Variants in PGM3 observed in about 807,000 individuals in gnomAD.
PGM3 encodes the protein phosphoacetylglucosamine mutase.
In PGM3, 40 loss-of-function variants were observed where a neutral mutation model predicts 66.2. The ratio of observed to expected loss-of-function variants is 0.60; its 90% confidence interval spans 0.47 to 0.79. PGM3 has a LOEUF of 0.79. PGM3 is among the 30% of genes least tolerant of loss of function. The probability of loss-of-function intolerance (pLI) is 0.00; values close to 1 mark genes in which losing one functional copy is unlikely to be tolerated. For missense variants in PGM3, 537 were observed against 643.4 expected, an observed-to-expected ratio of 0.83 and a Z score of 1.79; for synonymous variants, 191 against 224.2, an observed-to-expected ratio of 0.85 and a Z score of 1.32.
Position 83,166,818 on chromosome 6 carries a change from A to G in PGM3, c.*2416T>C, listed in dbSNP as rs998408838. 1.4e-5 allele frequency: 14 copies of G among 1,015,430 alleles called. No individual in the cohort carries two copies. Among genetic ancestry groups the G allele is most frequent in the African/African-American group, 5.1e-5 (3 of 58,470 alleles). 62.9% of individuals were successfully genotyped at this position (1,015,430 alleles called of 1,614,324 possible). On this transcript the variant is annotated 3_prime_UTR_variant, in exon 13 of 13. Coordinates refer to ENST00000513973, the MANE Select transcript of PGM3 (RefSeq NM_015599.3). ...ATATTAAATTATTAGGTAAACAATGAAAGTTTCTGAGCAACATCTGATCTT... is the reference window on the plus strand; with the variant it reads ...ATATTAAATTATTAGGTAAACAATGGAAGTTTCTGAGCAACATCTGATCTT...
At chr6:83,178,894 A>C in intron 7 of PGM3, 138 bp from the exon 8 acceptor site, 1 of 637,740 alleles carries the variant, frequency 1.6e-6, no homozygotes, top group Non-Finnish European at 2.8e-6. Context: ...GTCTGACTGA[A>C]AATTTACATG....
Position 83,171,921 on chromosome 6 carries a change from A to C in PGM3, c.1365+16T>G. On this transcript the variant is annotated intron_variant, in intron 11 of 12. Coordinates refer to ENST00000513973, the MANE Select transcript of PGM3 (RefSeq NM_015599.3). ...AGCTAATATTCAAAAAAGTTACTTT[A>C]AAGTTTCTCTCACACCTGAACTTTA... The C allele has an allele frequency of 6.2e-7, 1 of 1,602,656 alleles. No homozygotes were observed. The highest frequency in any genetic ancestry group is 1.1e-5 in the South Asian group (1 of 89,618).
At chr6:83,151,555 G>C in the PGM3 span, 6 of 1,542,502 alleles carry the variant, frequency 3.9e-6, no homozygotes, top group Non-Finnish European at 5.3e-6. Context: ...CTTTTAGCCT[G>C]ATATTTCCCG....
chr6:83,181,963 T>C, intron 5 of PGM3, 32 bp from the exon 6 acceptor site: 1 of 1,442,076 alleles, frequency 6.9e-7, no homozygotes, highest in South Asian at 1.3e-5. Flanking sequence ...GGAAGAAAAA[T>C]TTCAAGTTAT....
the PGM3 span, chr6:83,153,350 TG>T: frequency 2.2e-6 from 1 of 462,760 alleles, no homozygotes; most frequent in Non-Finnish European, 3.7e-6. Context: ...AAAAAGCAGA[TG>T]GTGGCAAAAC....
chr6:83,163,473 G>A (rs2128434443), downstream of PGM3, among the ~76,000 whole-genome samples: 1 of 152,212 alleles, frequency 6.6e-6, no homozygotes, highest in East Asian at 1.9e-4. Flanking sequence ...AATTGAATGA[G>A]CTAGACCTCG....
chr6:83,169,063 C>T lies in PGM3; in HGVS notation c.*171G>A. 2.1e-6 allele frequency: 3 copies of T among 1,413,050 alleles called. No homozygotes were observed. The highest frequency in any genetic ancestry group is 2.8e-6 in the Non-Finnish European group (3 of 1,086,980). The allele number at this position is 1,413,050 out of a possible 1,614,324, so 87.5% of individuals were successfully genotyped here. On this transcript the variant is annotated 3_prime_UTR_variant, in exon 13 of 13. Coordinates refer to ENST00000513973, the MANE Select transcript of PGM3 (RefSeq NM_015599.3). ...TTTCTTTAACAAGTGTAAGGCTTAC[C>T]TATTTATAAAGAATTATTCTGTTAG... is the stretch of plus-strand genomic sequence containing the variant.
downstream of PGM3, among the ~76,000 whole-genome samples, chr6:83,157,743 A>AC (rs567510955): frequency 3.3e-3 from 495 of 152,228 alleles, 3 homozygotes; most frequent in African/African-American, 0.011. Flanking sequence ...TGCAGCACCT[A>AC]CCCCATTTAA....
chr6:83,186,704 C>T (rs1269149842), intron 4 of PGM3, among the ~76,000 whole-genome samples: 1 of 152,134 alleles, frequency 6.6e-6, no homozygotes, highest in Non-Finnish European at 1.5e-5. Context: ...TGATCATCTT[C>T]AAGTACTTAA....
chr6:83,192,840 T>C (rs1789245325), intron 1 of PGM3, among the ~76,000 whole-genome samples: 1 of 151,968 alleles, frequency 6.6e-6, no homozygotes, highest in Non-Finnish European at 1.5e-5. Context: ...GTTAAGAGTA[T>C]CCCCCTACTC....
At chr6:83,188,138 A>C (rs1788727536) in intron 3 of PGM3, among the ~76,000 whole-genome samples, 1 of 152,244 alleles carries the variant, frequency 6.6e-6, no homozygotes, top group Admixed American at 6.5e-5. Context: ...ATTTTTGTTA[A>C]GAAAGGCAAA....
At chr6:83,187,180 T>TA in intron 3 of PGM3, 105 bp from the exon 4 acceptor site, 4 of 677,372 alleles carry the variant, frequency 5.9e-6, no homozygotes. Flanking sequence ...TTCAAAATAG[T>TA]AAGTTCCTGG....
chr6:83,172,052 C>T lies in PGM3; in HGVS notation c.1250G>A (p.Gly417Asp). Residue 417 changes from glycine (G) to aspartate (D), a missense_variant, in exon 11 of 13, where the codon GGT (glycine) becomes GAT (aspartate). Gly to Asp is a moderately conservative substitution (Grantham distance 94). Coordinates refer to ENST00000513973, the MANE Select transcript of PGM3 (RefSeq NM_015599.3). ...CACCAGCATGTCAGAAATAGCATCA[C>T]CAGCTGCCTGCAAATGGGGAAACAA... ...NIIDLFNQAA[G>D]DAISDMLVIE... The T allele has an allele frequency of 6.2e-7, 1 of 1,613,790 alleles. No homozygotes were observed. Among genetic ancestry groups the T allele is most frequent in the Non-Finnish European group, 8.5e-7 (1 of 1,179,888 alleles).
At chr6:83,186,972 T>C in intron 4 of PGM3, 36 bp downstream of exon 4, 1 of 1,160,696 alleles carries the variant, frequency 8.6e-7, no homozygotes, top group South Asian at 1.4e-5. Context: ...GTTTTTTAAA[T>C]ATTAGTTTAA....
At chr6:83,158,616 T>G (rs1783404272), downstream of PGM3, 6 of 1,603,656 alleles carry the variant, frequency 3.7e-6, no homozygotes, top group East Asian at 1.3e-4. Context: ...GATGAAGATA[T>G]TTCACGGTAA....
chr6:83,171,940 A>C lies in PGM3; in HGVS notation c.1362T>G (p.Val454=), dbSNP rs1787239359. Residue 454 remains valine, a synonymous_variant, in exon 11 of 13, where the codon GTT becomes GTG. Coordinates refer to ENST00000513973, the MANE Select transcript of PGM3 (RefSeq NM_015599.3). ...TACTTTAAAGTTTCTCTCACACCTGAACTTTAAGTTGTCTGTTTGGAAGAT... is the reference window on the plus strand; with the variant it reads ...TACTTTAAAGTTTCTCTCACACCTGCACTTTAAGTTGTCTGTTTGGAAGAT... ...YTDLPNRQLK[V]QVADRRVIST... 6.2e-7 allele frequency: 1 copy of C among 1,612,426 alleles called. No homozygotes were observed. The highest frequency in any genetic ancestry group is 8.5e-7 in the Non-Finnish European group (1 of 1,179,016).
chr6:83,158,426 T>G, downstream of PGM3: 3 of 714,628 alleles, frequency 4.2e-6, no homozygotes, highest in Non-Finnish European at 7.1e-6. Flanking sequence ...AGTTTTACCT[T>G]CAGAAACTAA....
At chr6:83,193,364 G>T (rs1382975954), upstream of PGM3, 1 of 152,060 alleles carries the variant, frequency 6.6e-6, no homozygotes, top group African/African-American at 2.4e-5. Flanking sequence ...GCCGCAGGTC[G>T]CGCGCAGCTG....
rs1417026413 is a variant in PGM3 at position 83,165,514 on chromosome 6, A to T, written c.*3720T>A. 6.4e-6 allele frequency: 1 copy of T among 156,096 alleles called. No homozygotes were observed. The highest frequency in any genetic ancestry group is 2.4e-5 in the African/African-American group (1 of 41,548). The allele number at this position is 156,096 out of a possible 1,614,324, so 9.7% of individuals were successfully genotyped here. A position where few individuals can be genotyped will look rare whatever the true frequency, so the allele number is the denominator to read the frequency against. ...ACAAATCTTTATTAATTAAAATAGG[A>T]ACCATTACAATCAACACATTTTTGC... On this transcript the variant is annotated 3_prime_UTR_variant, in exon 13 of 13. Coordinates refer to ENST00000513973, the MANE Select transcript of PGM3 (RefSeq NM_015599.3).
Sources: allele counts gnomAD v4.1 joint callset (sites outside exome capture counted in the v4.1 genomes callset), GRCh38; gene constraint gnomAD v4.1.1; transcripts MANE v1.5; gene names NCBI Gene and HGNC (gene_info 2026-07-23, HGNC 2026-07-21).